RAI1: variants seen among roughly 807,000 people sequenced by gnomAD.
The protein encoded by RAI1 is retinoic acid-induced protein 1.
In RAI1, 9 loss-of-function variants were observed where a neutral mutation model predicts 123.8. The ratio of observed to expected loss-of-function variants is 0.07; its 90% CI spans 0.04 to 0.13. The LOEUF (loss-of-function observed/expected upper bound fraction) is 0.13. RAI1 is among the 10% of genes least tolerant of loss of function. RAI1 has a pLI of 1.00. For missense variants in RAI1, 2,256 were observed against 2,545.8 expected (o/e 0.89, Z 2.45); for synonymous variants, 1,231 against 1,127.3 (o/e 1.09, Z -1.84).
Position 17,681,691 on chromosome 17 carries a change from G to GCCGGCCGGGCCGCCGCGCC in RAI1, c.-247_-229dup, listed in dbSNP as rs1175894539. ...CACCCTCCTTCCTGCCTGGCCGCGG[G>GCCGGCCGGGCCGCCGCGCC]CCGGCCGGGCCGCCGCGCCCCGACC... is the stretch of plus-strand genomic sequence containing the variant. On this transcript the variant is annotated 5_prime_UTR_variant, in exon 1 of 6. Coordinates refer to ENST00000353383, the MANE Select transcript of RAI1 (RefSeq NM_030665.4). 7.0e-6 allele frequency: 2 copies of GCCGGCCGGGCCGCCGCGCC among 285,340 alleles called. No individual in the cohort carries two copies. The highest frequency in any genetic ancestry group is 5.3e-5 in the Admixed American group (1 of 19,006). The allele number at this position is 285,340 out of a possible 1,614,324, so 17.7% of individuals were successfully genotyped here.
At chr17:17,748,037 C>T (rs924900870) in intron 2 of RAI1, among the ~76,000 whole-genome samples, 6 of 152,250 alleles carry the variant, frequency 3.9e-5, no homozygotes, top group Non-Finnish European at 8.8e-5. Context: ...GCACTCCAGC[C>T]TGGGCGACAG....
At chr17:17,743,915 G>A (rs1047418318) in intron 2 of RAI1, among the ~76,000 whole-genome samples, 2 of 152,244 alleles carry the variant, frequency 1.3e-5, no homozygotes, top group African/African-American at 4.8e-5. Context: ...CCGTAGGAGA[G>A]CGGGCAGGCT....
chr17:17,733,069 G>A (rs1053603777), intron 2 of RAI1, among the ~76,000 whole-genome samples: 2 of 152,196 alleles, frequency 1.3e-5, no homozygotes, highest in African/African-American at 4.8e-5. Context: ...GAGCTACCAT[G>A]GGACTGCCAC....
rs906475842 is a variant in RAI1, at chr17:17,685,208, C to T, written c.-149+3415C>T. Among the ~76,000 whole-genome samples the T allele has an allele frequency of 2.0e-5, 3 of 152,190 alleles. No homozygotes were observed. The highest frequency in any genetic ancestry group is 1.3e-4 in the Admixed American group (2 of 15,276). ...GAGGAGGTGCAACAGCAACGGTGTG[C>T]GCAGAGCAGCGTCTCTGCGGGAGAG... On this transcript the variant is annotated intron_variant, in intron 1 of 5. Transcript: ENST00000353383. The surrounding 1 kb of genome is among the most constrained non-coding windows in gnomAD (Gnocchi z 4.0).
intron 1 of RAI1, among the ~76,000 whole-genome samples, chr17:17,704,002 C>T (rs1438219724): frequency 6.6e-6 from 1 of 152,210 alleles, no homozygotes; most frequent in Non-Finnish European, 1.5e-5. Flanking sequence ...CAGTGAGCCA[C>T]TGTGCACCAG....
intron 2 of RAI1, among the ~76,000 whole-genome samples, chr17:17,769,479 C>G (rs969986142): frequency 5.3e-5 from 8 of 152,200 alleles, no homozygotes; most frequent in Admixed American, 6.5e-5. Context: ...GCTGGAGGAG[C>G]AGAAAGTAGT....
In RAI1 at chr17:17,800,186, CT is replaced by C. The variant is rs1791831441; in HGVS notation, c.5565+1674del. On this transcript the variant is annotated intron_variant, in intron 3 of 5. Coordinates refer to ENST00000353383, the MANE Select transcript of RAI1 (RefSeq NM_030665.4). This position sits in a 1 kb window ranked among gnomAD's most constrained non-coding sequence, Gnocchi z 4.7. ...CTGCTTTCTGTCTCTCTCTGTCTCTCTCTCTCTCTCTCTCTCTCTCTCTCTC... is the reference window on the plus strand; with the variant it reads ...CTGCTTTCTGTCTCTCTCTGTCTCTCCTCTCTCTCTCTCTCTCTCTCTCTC... 1.8e-5 allele frequency among the ~76,000 whole-genome samples: 1 copy of C among 55,558 alleles called. No individual in the cohort carries two copies. The highest frequency in any genetic ancestry group is 3.4e-5 in the Non-Finnish European group (1 of 29,644). 36.4% of individuals were successfully genotyped at this position (55,558 alleles called of 152,430 possible). A position where few individuals can be genotyped will look rare whatever the true frequency, so the allele number is the denominator to read the frequency against.
intron 2 of RAI1, among the ~76,000 whole-genome samples, chr17:17,785,723 T>TC (rs1251333948): frequency 1.3e-5 from 2 of 152,098 alleles, no homozygotes; most frequent in East Asian, 1.9e-4. Flanking sequence ...CTGCCCTGCC[T>TC]CCCCCCTGAG....
At chr17:17,690,641 A>G (rs1428051838) in intron 1 of RAI1, among the ~76,000 whole-genome samples, 1 of 152,196 alleles carries the variant, frequency 6.6e-6, no homozygotes, top group Non-Finnish European at 1.5e-5. Context: ...GGCACAGAAT[A>G]GTGTGCTTAG....
chr17:17,715,749 G>C (rs1283073377), intron 1 of RAI1, among the ~76,000 whole-genome samples: 1 of 152,140 alleles, frequency 6.6e-6, no homozygotes, highest in Non-Finnish European at 1.5e-5. Flanking sequence ...TCCATTCAAA[G>C]TTTCCCCTGG....
chr17:17,707,518 G>A (rs1210521428), intron 1 of RAI1, among the ~76,000 whole-genome samples: 1 of 152,162 alleles, frequency 6.6e-6, no homozygotes, highest in Admixed American at 6.5e-5. Flanking sequence ...AGGCAGGAAC[G>A]TGTTTCCATG....
intron 2 of RAI1, among the ~76,000 whole-genome samples, chr17:17,782,816 A>G (rs1464568728): frequency 6.6e-6 from 1 of 152,118 alleles, no homozygotes; most frequent in East Asian, 1.9e-4. Context: ...CAGGGCGCCA[A>G]GAGGGCAGCA....
At position 17,810,027 on chromosome 17, in the gene RAI1, G is replaced by A; in HGVS notation, c.*46G>A. On this transcript the variant is annotated 3_prime_UTR_variant, in exon 6 of 6. Coordinates refer to ENST00000353383, the MANE Select transcript of RAI1 (RefSeq NM_030665.4). The surrounding 1 kb of genome is among the most constrained non-coding windows in gnomAD (Gnocchi z 4.6). The stretch of plus-strand genomic sequence containing the variant: ...AGGAGCCGCCGGAGCCCGCCTGCCC[G>A]CCCGCCGCCGAAGGAGAGGAGCCGC... 6.5e-7 allele frequency: 1 copy of A among 1,541,996 alleles called. No homozygotes were observed. Among genetic ancestry groups the A allele is most frequent in the Non-Finnish European group, 8.7e-7 (1 of 1,144,202 alleles).
chr17:17,709,728 C>A (rs767258238), intron 1 of RAI1, among the ~76,000 whole-genome samples: 2 of 152,260 alleles, frequency 1.3e-5, no homozygotes, highest in Non-Finnish European at 2.9e-5. Flanking sequence ...AGCAGGGCCA[C>A]TGTCTGTGCC....
chr17:17,745,445 G>GT (rs879513855), intron 2 of RAI1, among the ~76,000 whole-genome samples: 14 of 151,154 alleles, frequency 9.3e-5, no homozygotes, highest in East Asian at 1.9e-4. Flanking sequence ...TTTTGTTTTT[G>GT]TTTTTTTTGA....
Position 17,793,438 on chromosome 17 carries a change from G to T in RAI1, c.490G>T (p.Val164Leu), listed in dbSNP as rs773455928. The change falls in exon 3 of 6, where the codon GTG (valine) becomes TTG (leucine). Residue 164 changes from valine (V) to leucine (L), a missense_variant. Transcript: ENST00000353383. ...GCAGTATGCAGAGCAGGGCGCCCAG[G>T]TGCCCTTTCGGACTCACTCCCTGCA... ...SRQYAEQGAQ[V>L]PFRTHSLHVQ... 9.3e-6 allele frequency: 15 copies of T among 1,613,294 alleles called. No individual in the cohort carries two copies. Among genetic ancestry groups the T allele is most frequent in the Non-Finnish European group, 1.3e-5 (15 of 1,179,656 alleles).
At chr17:17,725,002 G>A (rs1475496916) in intron 2 of RAI1, among the ~76,000 whole-genome samples, 3 of 152,144 alleles carry the variant, frequency 2.0e-5, no homozygotes, top group Non-Finnish European at 2.9e-5. Flanking sequence ...CTGCCGGGGG[G>A]AGTGGGGTGG....
intron 2 of RAI1, among the ~76,000 whole-genome samples, chr17:17,765,182 A>T (rs1440750860): frequency 6.6e-6 from 1 of 152,198 alleles, no homozygotes; most frequent in Non-Finnish European, 1.5e-5. Flanking sequence ...TCTTGTGAAT[A>T]TACCTGCCGT....
At chr17:17,715,984 G>A (rs915567300) in intron 1 of RAI1, among the ~76,000 whole-genome samples, 3 of 152,230 alleles carry the variant, frequency 2.0e-5, no homozygotes, top group Non-Finnish European at 4.4e-5. Context: ...AAACTATGGC[G>A]GGGGGAATGG....
Sources: allele counts gnomAD v4.1 joint callset (sites outside exome capture counted in the v4.1 genomes callset), GRCh38; gene constraint gnomAD v4.1.1; non-coding constraint Gnocchi (gnomAD v3.1); transcripts MANE v1.5; gene names NCBI Gene and HGNC (gene_info 2026-07-23, HGNC 2026-07-21).